Variants in AMPD3 observed in about 807,000 individuals in gnomAD.
AMPD3 encodes the protein AMP deaminase 3.
Under a neutral mutation model 82.3 loss-of-function variants are expected in AMPD3, and 57 were observed. The observed-to-expected ratio is 0.69, with a 90% CI of 0.56 to 0.86. The LOEUF (loss-of-function observed/expected upper bound fraction) is 0.86, where lower values mean the gene tolerates loss of function less well. Among genes scored for constraint, AMPD3 ranks in the 40% least tolerant of loss-of-function variants. The pLI, the probability that AMPD3 is intolerant of heterozygous loss-of-function variation, is 0.00. For synonymous variants in AMPD3, 381 were observed against 394.7 expected, an observed-to-expected ratio of 0.97 and a Z score of 0.41; for missense variants, 870 against 1,003.8, an observed-to-expected ratio of 0.87 and a Z score of 1.80.
intron 7 of AMPD3, 74 bp from the exon 8 acceptor site, chr11:10,494,825 G>C: frequency 6.3e-7 from 1 of 1,583,396 alleles, no homozygotes; most frequent in Non-Finnish European, 8.7e-7. Flanking sequence ...AGGCCGCCTC[G>C]TAAAGGTCTA....
intron 4 of AMPD3, among the ~76,000 whole-genome samples, chr11:10,483,303 G>A (rs926217167): frequency 6.6e-6 from 1 of 152,116 alleles, no homozygotes; most frequent in South Asian, 2.1e-4. Context: ...TGGTGGTGGG[G>A]GACACATAAG....
At chr11:10,495,179 C>T (rs1849357204) in intron 8 of AMPD3, 149 bp downstream of exon 8, 1 of 1,583,926 alleles carries the variant, frequency 6.3e-7, no homozygotes, top group East Asian at 2.3e-5. Context: ...GTGCCCAGTG[C>T]TGTGGTCTGG....
At chr11:10,453,110 A>C (rs1848001297), upstream of AMPD3, among the ~76,000 whole-genome samples, 1 of 152,074 alleles carries the variant, frequency 6.6e-6, no homozygotes, top group Non-Finnish European at 1.5e-5. Flanking sequence ...CTACCATGCC[A>C]GGCTAATTTT....
chr11:10,456,282 A>G lies in AMPD3; in HGVS notation c.-6+834A>G, dbSNP rs996071604. Reference sequence around the variant, plus strand: ...AGACCTCCTACTCCAGCCGGCAGACAGGACCCAGCCAGCTGCACGCACGCA... The same window carrying G: ...AGACCTCCTACTCCAGCCGGCAGACGGGACCCAGCCAGCTGCACGCACGCA... On this transcript the variant is annotated intron_variant, in intron 1 of 14. Transcript: ENST00000396553. The surrounding 1 kb of genome is among the most constrained non-coding windows in gnomAD (Gnocchi z 4.3). 1 of 1,583,182 alleles carries G rather than the reference A, an allele frequency of 6.3e-7. No individual in the cohort carries two copies. The highest frequency in any genetic ancestry group is 1.3e-5 in the African/African-American group (1 of 74,126).
intron 12 of AMPD3, 89 bp downstream of exon 12, chr11:10,501,679 G>A (rs767484458): frequency 1.2e-5 from 20 of 1,609,138 alleles, no homozygotes; most frequent in Non-Finnish European, 1.6e-5. Context: ...AGAAGGCTGG[G>A]CCCTCTTCTG....
At chr11:10,489,049 G>A (rs1353180360) in intron 6 of AMPD3, among the ~76,000 whole-genome samples, 1 of 152,216 alleles carries the variant, frequency 6.6e-6, no homozygotes, top group East Asian at 1.9e-4. Flanking sequence ...TGCCCTGAGA[G>A]GCTTACAGAA....
rs1849377009 is a variant in AMPD3 at position 10,495,729 on chromosome 11, A to G, written c.1426A>G (p.Ile476Val). The G allele has an allele frequency of 3.1e-6, 5 of 1,613,880 alleles. No individual in the cohort carries two copies. Among genetic ancestry groups the G allele is most frequent in the Non-Finnish European group, 4.2e-6 (5 of 1,179,988 alleles). ...NMRWIIQVPR[I>V]YDIFRSKKLL... Reference sequence around the variant, plus strand: ...GCGCTGGATCATCCAGGTGCCCCGGATTTAGTAAGTGAGGTGGCCCGCTGT... The same window carrying G: ...GCGCTGGATCATCCAGGTGCCCCGGGTTTAGTAAGTGAGGTGGCCCGCTGT... Residue 476 changes from isoleucine to valine, a missense_variant, in exon 9 of 15, where the codon ATT becomes GTT. Transcript: ENST00000396553.
intron 3 of AMPD3, chr11:10,481,465 G>A (rs1354861366): frequency 3.0e-6 from 3 of 985,252 alleles, no homozygotes; most frequent in Non-Finnish European, 3.6e-6. Context: ...TGTGCAGGCT[G>A]GAGCACTTGT....
intron 3 of AMPD3, among the ~76,000 whole-genome samples, chr11:10,480,115 C>G (rs1457692212): frequency 6.6e-6 from 1 of 152,254 alleles, no homozygotes; most frequent in African/African-American, 2.4e-5. Flanking sequence ...CTGAACTGGG[C>G]AACTGGTCCT....
chr11:10,455,087 G>T (rs1848054234), upstream of AMPD3: 1 of 957,302 alleles, frequency 1.0e-6, no homozygotes, highest in Non-Finnish European at 1.2e-6. Flanking sequence ...GGTGACTCAG[G>T]CCCAAGTCAG....
At chr11:10,470,653 C>A (rs1848561538) in intron 2 of AMPD3, among the ~76,000 whole-genome samples, 1 of 152,184 alleles carries the variant, frequency 6.6e-6, no homozygotes, top group Non-Finnish European at 1.5e-5. Flanking sequence ...AAATCACAAG[C>A]ATTCCTGTAT....
intron 5 of AMPD3, among the ~76,000 whole-genome samples, chr11:10,486,240 C>T (rs755516936): frequency 2.0e-5 from 3 of 152,170 alleles, no homozygotes; most frequent in Non-Finnish European, 2.9e-5. Context: ...TCCTGTGCTC[C>T]GTCCACTCTG....
At chr11:10,481,878 A>T in intron 3 of AMPD3, 185 bp from the exon 4 acceptor site, 1 of 715,792 alleles carries the variant, frequency 1.4e-6, no homozygotes, top group Non-Finnish European at 2.5e-6. Context: ...AACATAAACC[A>T]TATTGTTTGT....
intron 2 of AMPD3, among the ~76,000 whole-genome samples, chr11:10,462,689 A>G (rs1464444522): frequency 6.6e-6 from 1 of 152,178 alleles, no homozygotes; most frequent in East Asian, 1.9e-4. Context: ...CGCAAGTGCT[A>G]TGAAAGAGAT....
In AMPD3 at chr11:10,456,427, G is replaced by A. The variant is rs751952990; in HGVS notation, c.-6+979G>A. ...GGTCTGTGTCGGGGCTTCTGCAAGGGGAGTCTGGCAAGAGTAGGAACCAGC... is the reference window on the plus strand; with the variant it reads ...GGTCTGTGTCGGGGCTTCTGCAAGGAGAGTCTGGCAAGAGTAGGAACCAGC... On this transcript the variant is annotated intron_variant, in intron 1 of 14. Transcript: ENST00000396553. This position sits in a 1 kb window ranked among gnomAD's most constrained non-coding sequence, Gnocchi z 4.3. 1.9e-5 allele frequency: 31 copies of A among 1,613,686 alleles called. No homozygotes were observed. The highest frequency in any genetic ancestry group is 1.1e-4 in the South Asian group (10 of 91,084).
At chr11:10,496,757 A>G (rs991244066) in intron 9 of AMPD3, 55 bp from the exon 10 acceptor site, 15 of 1,613,660 alleles carry the variant, frequency 9.3e-6, no homozygotes, top group Non-Finnish European at 1.3e-5. Context: ...CTGGTCTCTG[A>G]CAGGGCAGCA....
intron 2 of AMPD3, among the ~76,000 whole-genome samples, chr11:10,468,911 G>T (rs550480150): frequency 1.3e-5 from 2 of 152,318 alleles, no homozygotes; most frequent in South Asian, 4.1e-4. Context: ...ATAAGGAAAT[G>T]AAGGCAGAAA....
At chr11:10,477,417 G>A (rs529198748) in intron 2 of AMPD3, among the ~76,000 whole-genome samples, 1 of 152,338 alleles carries the variant, frequency 6.6e-6, no homozygotes, top group South Asian at 2.1e-4. Context: ...ACAGAAACAT[G>A]AGGTAGGAGA....
intron 11 of AMPD3, chr11:10,500,817 G>C (rs1313570181): frequency 1.0e-6 from 1 of 985,298 alleles, no homozygotes; most frequent in Non-Finnish European, 1.2e-6. Context: ...AGGCACACGT[G>C]GCCAGGAGTT....
Sources: gnomAD v4.1 joint callset for allele counts (sites outside exome capture counted in the v4.1 genomes callset) on GRCh38, gnomAD v4.1.1 for gene constraint, Gnocchi (gnomAD v3.1) non-coding constraint, MANE v1.5 for transcripts, NCBI Gene and HGNC (gene_info 2026-07-23, HGNC 2026-07-21) for gene names.